The following FILIP1L variants were observed in gnomAD, a reference collection of about 807,000 sequenced individuals.
FILIP1L encodes filamin A interacting protein 1 like, also known as filamin A-interacting protein 1-like.
Under a neutral mutation model 96.6 loss-of-function variants are expected in FILIP1L, and 55 were observed. That is an observed-to-expected ratio of 0.57 (90% confidence interval 0.46 to 0.71). The LOEUF (loss-of-function observed/expected upper bound fraction) is 0.71. Ranked by LOEUF, FILIP1L falls within the 30% of genes least tolerant of loss-of-function variation. The probability of loss-of-function intolerance (pLI) is 0.00; values close to 1 mark genes in which losing one functional copy is unlikely to be tolerated. For missense variants in FILIP1L, 1,304 were observed against 1,321.2 expected, an observed-to-expected ratio of 0.99 and a Z score of 0.20; for synonymous variants, 467 against 473.9, an observed-to-expected ratio of 0.99 and a Z score of 0.19.
intron 1 of FILIP1L, among the ~76,000 whole-genome samples, chr3:100,007,959 A>G (rs1481578450): frequency 6.6e-6 from 1 of 152,122 alleles, no homozygotes; most frequent in Non-Finnish European, 1.5e-5. Flanking sequence ...TTTCTTGCAA[A>G]TTTGGAAACT....
intron 4 of FILIP1L, among the ~76,000 whole-genome samples, chr3:99,899,286 T>C (rs1335962842): frequency 1.3e-5 from 2 of 152,234 alleles, no homozygotes; most frequent in Non-Finnish European, 2.9e-5. Context: ...AAAGCAGATT[T>C]TTGGTTTCCA....
intron 5 of FILIP1L, among the ~76,000 whole-genome samples, chr3:99,843,540 A>C (rs1011333118): frequency 3.3e-5 from 5 of 152,218 alleles, no homozygotes; most frequent in African/African-American, 7.2e-5. Flanking sequence ...TTTTTGACTT[A>C]TGATGGGGTT....
intron 1 of FILIP1L, among the ~76,000 whole-genome samples, chr3:100,059,915 C>T (rs1427471374): frequency 6.6e-6 from 1 of 152,132 alleles, no homozygotes; most frequent in African/African-American, 2.4e-5. Context: ...ACCTATGAGC[C>T]TCCAGTCTGG....
chr3:100,072,107 C>T (rs1559747876), intron 1 of FILIP1L, among the ~76,000 whole-genome samples: 4 of 152,134 alleles, frequency 2.6e-5, no homozygotes, highest in Admixed American at 6.5e-5. Flanking sequence ...GGACTCATCA[C>T]CCACTTGAGC....
rs141490644 is a variant in FILIP1L, at chr3:99,952,396, G to T, written c.-10-21366C>A. 4.2e-3 allele frequency among the ~76,000 whole-genome samples: 634 copies of T among 152,230 alleles called. 4 individuals are homozygous for T. Among genetic ancestry groups the T allele is most frequent in the African/African-American group, 0.015 (605 of 41,538 alleles). ...TCTGCCAGTCATTATGTCTGTTCAA[G>T]TTGAGGAAACAGAATAATTTTCTGG... On this transcript the variant is annotated intron_variant, in intron 1 of 5. Coordinates refer to ENST00000477258, the MANE Select transcript of FILIP1L (RefSeq NM_001387850.1).
At chr3:100,049,366 G>A (rs969534311) in intron 1 of FILIP1L, among the ~76,000 whole-genome samples, 6 of 152,140 alleles carry the variant, frequency 3.9e-5, no homozygotes, top group African/African-American at 1.4e-4. Context: ...TACCAAAGTC[G>A]ATGAAGGATT....
At chr3:100,025,853 C>T (rs1559730299) in intron 1 of FILIP1L, among the ~76,000 whole-genome samples, 4 of 152,140 alleles carry the variant, frequency 2.6e-5, no homozygotes, top group East Asian at 3.9e-4. Context: ...AATAATTTGC[C>T]GGTTACCAGG....
At chr3:99,963,587 T>C (rs1708556722) in intron 1 of FILIP1L, among the ~76,000 whole-genome samples, 1 of 152,140 alleles carries the variant, frequency 6.6e-6, no homozygotes, top group African/African-American at 2.4e-5. Flanking sequence ...TTTGCCTTGA[T>C]GGTGTTACCT....
At chr3:99,918,753 A>G (rs1330683592) in intron 4 of FILIP1L, among the ~76,000 whole-genome samples, 1 of 152,198 alleles carries the variant, frequency 6.6e-6, no homozygotes, top group African/African-American at 2.4e-5. Context: ...TAGGTCCAGC[A>G]TGTATGAACA....
intron 1 of FILIP1L, among the ~76,000 whole-genome samples, chr3:100,083,591 A>G (rs776099344): frequency 2.6e-5 from 4 of 152,248 alleles, no homozygotes; most frequent in Non-Finnish European, 5.9e-5. Context: ...CAAGAAACAA[A>G]TATTAGTTGC....
At chr3:100,068,696 C>T (rs1464255392) in intron 1 of FILIP1L, among the ~76,000 whole-genome samples, 2 of 152,136 alleles carry the variant, frequency 1.3e-5, no homozygotes, top group African/African-American at 2.4e-5. Context: ...TGCACGATCT[C>T]GGCTTACTGC....
intron 1 of FILIP1L, among the ~76,000 whole-genome samples, chr3:100,081,998 G>A (rs1428010872): frequency 2.0e-5 from 3 of 152,008 alleles, no homozygotes; most frequent in Non-Finnish European, 4.4e-5. Context: ...TAGACTTTAG[G>A]CTATCTGAGG....
intron 1 of FILIP1L, among the ~76,000 whole-genome samples, chr3:100,061,835 ATTCCAG>A: frequency 6.6e-6 from 1 of 152,346 alleles, no homozygotes; most frequent in South Asian, 2.1e-4. Context: ...AAGAAGACTG[ATTCCAG>A]AGACTTCACT....
At chr3:100,098,609 G>GA in intron 1 of FILIP1L, among the ~76,000 whole-genome samples, 1 of 152,168 alleles carries the variant, frequency 6.6e-6, no homozygotes, top group Non-Finnish European at 1.5e-5. Flanking sequence ...ATGCAAGGAA[G>GA]TTATTTTTGT....
intron 1 of FILIP1L, among the ~76,000 whole-genome samples, chr3:100,041,787 T>A (rs972222496): frequency 5.3e-5 from 8 of 152,174 alleles, no homozygotes; most frequent in Admixed American, 5.2e-4. Flanking sequence ...AACAGTAAAA[T>A]TCAGGAGAAA....
intron 4 of FILIP1L, among the ~76,000 whole-genome samples, chr3:99,916,670 G>T (rs1706964802): frequency 6.6e-6 from 1 of 152,114 alleles, no homozygotes; most frequent in African/African-American, 2.4e-5. Context: ...TAAATGCTTT[G>T]CCCAAGGTCA....
At chr3:99,951,490 G>T (rs1395051355) in intron 1 of FILIP1L, among the ~76,000 whole-genome samples, 2 of 152,164 alleles carry the variant, frequency 1.3e-5, no homozygotes, top group Admixed American at 1.3e-4. Flanking sequence ...TTTTGTTTTA[G>T]TCCAGTCTCC....
Position 99,848,549 on chromosome 3 carries a change from G to T in FILIP1L, c.3127C>A (p.Gln1043Lys). The stretch of plus-strand genomic sequence containing the variant: ...CTATTGCTGTTTGAACGCTGAAACT[G>T]CCATGATGACTGCCGGTCTGGGGAG... Reference protein sequence around the residue: ...RVSPDRQSSWQFQRSNSNSSS... With the variant: ...RVSPDRQSSWKFQRSNSNSSS... The change falls in exon 5 of 6, where the codon CAG (glutamine) becomes AAG (lysine). Residue 1043 changes from glutamine to lysine, a missense_variant. Physicochemically the swap from Gln to Lys is moderately conservative, Grantham distance 53. Transcript: ENST00000477258. 6.2e-7 allele frequency: 1 copy of T among 1,614,174 alleles called. No homozygotes were observed. Among genetic ancestry groups the T allele is most frequent in the Non-Finnish European group, 8.5e-7 (1 of 1,180,028 alleles).
At chr3:99,964,926 C>G (rs994264269) in intron 1 of FILIP1L, among the ~76,000 whole-genome samples, 1 of 152,116 alleles carries the variant, frequency 6.6e-6, no homozygotes, top group African/African-American at 2.4e-5. Context: ...GTTTCCCAGG[C>G]TTTAAGACTC....
Sources: gnomAD v4.1 joint callset for allele counts (sites outside exome capture counted in the v4.1 genomes callset) on GRCh38, gnomAD v4.1.1 for gene constraint, MANE v1.5 for transcripts, NCBI Gene and HGNC (gene_info 2026-07-23, HGNC 2026-07-21) for gene names.